Variants in CCDC192 observed in about 807,000 individuals in gnomAD.
The protein encoded by CCDC192 is coiled-coil domain containing 192, also known as coiled-coil domain-containing protein 192.
At chr5:127,926,650 G>C (rs1325675793) in intron 6 of CCDC192, among the ~76,000 whole-genome samples, 1 of 152,168 alleles carries the variant, frequency 6.6e-6, no homozygotes, top group Non-Finnish European at 1.5e-5. Context: ...AGCTTCAGAG[G>C]TTAGATAATG....
At chr5:127,814,264 ATTC>A (rs1464083214) in intron 5 of CCDC192, among the ~76,000 whole-genome samples, 1 of 152,234 alleles carries the variant, frequency 6.6e-6, no homozygotes, top group African/African-American at 2.4e-5. Context: ...AGGAGGCGTT[ATTC>A]TTCTTTGTGG....
chr5:127,767,844 G>C (rs935376489), intron 3 of CCDC192, among the ~76,000 whole-genome samples: 4 of 152,114 alleles, frequency 2.6e-5, no homozygotes, highest in Non-Finnish European at 5.9e-5. Flanking sequence ...AATAACGTGA[G>C]GGTGTTATGG....
At chr5:127,852,727 T>C (rs1750855829) in intron 5 of CCDC192, among the ~76,000 whole-genome samples, 1 of 152,226 alleles carries the variant, frequency 6.6e-6, no homozygotes, top group Non-Finnish European at 1.5e-5. Flanking sequence ...TTCTTAACTG[T>C]TTGGCAACTA....
chr5:127,724,237 T>A (rs571251586), intron 2 of CCDC192, among the ~76,000 whole-genome samples: 7 of 152,296 alleles, frequency 4.6e-5, no homozygotes, highest in African/African-American at 1.7e-4. Flanking sequence ...TATATTAAGG[T>A]CTTGCCTTAA....
chr5:127,880,932 A>G (rs1752328148), intron 6 of CCDC192, among the ~76,000 whole-genome samples: 1 of 152,220 alleles, frequency 6.6e-6, no homozygotes, highest in Non-Finnish European at 1.5e-5. Flanking sequence ...GTGAGCCGAG[A>G]TTGCACCACT....
chr5:127,709,947 G>A lies in CCDC192; in HGVS notation c.114+2187G>A, dbSNP rs542529865. Among the ~76,000 whole-genome samples the A allele has an allele frequency of 5.5e-4, 83 of 151,974 alleles. 1 individual carries two copies. Among genetic ancestry groups the A allele is most frequent in the African/African-American group, 1.4e-3 (56 of 41,426 alleles). On this transcript the variant is annotated intron_variant, in intron 2 of 6. Transcript: ENST00000514853. ...ATGCTAATCAACCAGCACCCTAGAG[G>A]TAACCCTCTCATGGACGGTATCTAC...
chr5:127,887,505 A>C (rs1172865624), intron 6 of CCDC192, among the ~76,000 whole-genome samples: 1 of 152,068 alleles, frequency 6.6e-6, no homozygotes, highest in Non-Finnish European at 1.5e-5. Flanking sequence ...CCTTTATCCC[A>C]GCTGACCAGA....
In CCDC192 at chr5:127,727,348, T is replaced by A. The variant is rs570901258; in HGVS notation, c.114+19588T>A. On this transcript the variant is annotated intron_variant, in intron 2 of 6. Coordinates refer to ENST00000514853, the MANE Select transcript of CCDC192 (RefSeq NM_001317938.2). ...TTAGCCGGGCATGGTGGCGCATGCC[T>A]GCAATCCCAGCTACTCAGGAGGCTG... Among the ~76,000 whole-genome samples the A allele has an allele frequency of 2.6e-5, 4 of 152,190 alleles. No individual in the cohort carries two copies. The South Asian group carries it at 8.3e-4, about 32-fold the overall frequency.
chr5:127,832,305 G>A (rs764814796), intron 5 of CCDC192, among the ~76,000 whole-genome samples: 2 of 152,122 alleles, frequency 1.3e-5, no homozygotes, highest in African/African-American at 4.8e-5. Context: ...TTACACTGGC[G>A]GAATCACTCT....
intron 2 of CCDC192, among the ~76,000 whole-genome samples, chr5:127,721,169 C>T (rs1412788320): frequency 1.3e-5 from 2 of 152,210 alleles, no homozygotes; most frequent in African/African-American, 4.8e-5. Context: ...AACTTTTACA[C>T]TCTGCTTCCC....
chr5:127,859,667 T>A (rs776859682), intron 5 of CCDC192, among the ~76,000 whole-genome samples: 4 of 152,160 alleles, frequency 2.6e-5, no homozygotes, highest in African/African-American at 9.7e-5. Flanking sequence ...TCCCATTCTC[T>A]CTTCTTTTTC....
chr5:127,923,944 G>A (rs771368487), intron 6 of CCDC192, among the ~76,000 whole-genome samples: 1 of 152,194 alleles, frequency 6.6e-6, no homozygotes, highest in Non-Finnish European at 1.5e-5. Flanking sequence ...GCTCCCCAGA[G>A]CTACCAAATG....
chr5:127,800,394 A>AAAAAAAAC (rs1335975542), intron 5 of CCDC192, among the ~76,000 whole-genome samples: 1 of 138,344 alleles, frequency 7.2e-6, no homozygotes, highest in African/African-American at 2.6e-5. Context: ...AAAAAAAAAA[A>AAAAAAAAC]AAAAAAACAA....
At chr5:127,864,704 T>G (rs537703441) in intron 5 of CCDC192, among the ~76,000 whole-genome samples, 1 of 152,180 alleles carries the variant, frequency 6.6e-6, no homozygotes, top group East Asian at 1.9e-4. Context: ...CACCTTTCCC[T>G]CTCTCTCTGT....
chr5:127,929,502 G>T (rs1284264422), intron 6 of CCDC192, among the ~76,000 whole-genome samples: 1 of 152,154 alleles, frequency 6.6e-6, no homozygotes, highest in African/African-American at 2.4e-5. Context: ...ATAAAAGATT[G>T]CATTCAAGTG....
At chr5:127,725,266 G>C (rs1752256197) in intron 2 of CCDC192, among the ~76,000 whole-genome samples, 1 of 152,090 alleles carries the variant, frequency 6.6e-6, no homozygotes, top group Admixed American at 6.5e-5. Flanking sequence ...TCATGAATTT[G>C]AGGAAATTTG....
rs1461266270 is a variant in CCDC192, at chr5:127,845,821, C to T, written c.412-29717C>T. ...TGTGCTATACATATTAATGGTCCCT[C>T]ACTGTACCCAAGGAGTAAGATATCA... On this transcript the variant is annotated intron_variant, in intron 5 of 6. Transcript: ENST00000514853. 2.0e-5 allele frequency among the ~76,000 whole-genome samples: 3 copies of T among 152,148 alleles called. No individual in the cohort carries two copies. In the East Asian group the frequency reaches 5.8e-4, roughly 29 times the overall value.
At chr5:127,735,120 G>T (rs1752895654) in intron 2 of CCDC192, among the ~76,000 whole-genome samples, 3 of 127,404 alleles carry the variant, frequency 2.4e-5, no homozygotes, top group African/African-American at 6.5e-5. Context: ...TGTAAGGAAG[G>T]GATCCAGTTT....
chr5:127,839,105 A>G (rs1750162725), intron 5 of CCDC192, among the ~76,000 whole-genome samples: 1 of 152,220 alleles, frequency 6.6e-6, no homozygotes, highest in Non-Finnish European at 1.5e-5. Context: ...CTCTTGATAA[A>G]CTGAGAAAGG....
Sources: allele counts gnomAD v4.1 joint callset (sites outside exome capture counted in the v4.1 genomes callset), GRCh38; gene constraint gnomAD v4.1.1; transcripts MANE v1.5; gene names NCBI Gene and HGNC (gene_info 2026-07-23, HGNC 2026-07-21).